VPS37B: variants seen among roughly 807,000 people sequenced by gnomAD.
VPS37B encodes the protein vacuolar protein sorting-associated protein 37B.
Under a neutral mutation model 21.2 loss-of-function variants are expected in VPS37B, and 11 were observed. That is an observed-to-expected ratio of 0.52 (90% CI 0.33 to 0.86). The LOEUF (loss-of-function observed/expected upper bound fraction) is 0.86. Ranked by LOEUF, VPS37B falls within the 40% of genes least tolerant of loss-of-function variation. The pLI is 0.03. For synonymous variants in VPS37B, 175 were observed against 159.6 expected, an observed-to-expected ratio of 1.10 and a Z score of -0.73; for missense variants, 389 against 374.8, an observed-to-expected ratio of 1.04 and a Z score of -0.31.
chr12:122,867,209 G>C lies in VPS37B; in HGVS notation c.765C>G (p.Phe255Leu). 1 of 1,575,236 alleles carries C rather than the reference G, an allele frequency of 6.3e-7. No individual in the cohort carries two copies. Among genetic ancestry groups the C allele is most frequent in the Non-Finnish European group, 8.6e-7 (1 of 1,163,674 alleles). The stretch of plus-strand genomic sequence containing the variant: ...GATATGGGGACACGAACTGCGAAGA[G>C]AATCCTTGCTGAGTGGGGAGGCCCA... The part of the protein sequence containing the change: ...PRVGLPTQQG[F>L]SSQFVSPYPP... Residue 255 changes from phenylalanine (F) to leucine (L), a missense_variant, in exon 4 of 4, where the codon TTC (phenylalanine) becomes TTG (leucine). Physicochemically the swap from Phe to Leu is conservative, Grantham distance 22. Coordinates refer to ENST00000267202, the MANE Select transcript of VPS37B (RefSeq NM_024667.3). This position sits in a 1 kb window ranked among gnomAD's most constrained non-coding sequence, Gnocchi z 5.5.
chr12:122,881,997 T>C (rs543836648), intron 1 of VPS37B: 18 of 152,206 alleles, frequency 1.2e-4, no homozygotes, highest in Non-Finnish European at 2.2e-4. Context: ...AAAAATTTTA[T>C]ATTTCTAACA....
intron 1 of VPS37B, chr12:122,884,317 G>A (rs867468497): frequency 6.6e-6 from 1 of 152,284 alleles, no homozygotes; most frequent in Non-Finnish European, 1.5e-5. Flanking sequence ...GGCAGAGTCC[G>A]AGTCCTTTGG....
chr12:122,877,635 C>T (rs2135704397), intron 1 of VPS37B: 1 of 152,394 alleles, frequency 6.6e-6, no homozygotes, highest in South Asian at 2.1e-4. Context: ...GCTCTTCAGC[C>T]TGGAACGCCC....
chr12:122,875,223 A>ATTTTT (rs34993068), intron 1 of VPS37B: 22 of 95,976 alleles, frequency 2.3e-4, no homozygotes, highest in Non-Finnish European at 3.2e-4. Flanking sequence ...CACCTGGCTA[A>ATTTTT]TTTTTTTTTT....
chr12:122,868,665 A>G lies in VPS37B; in HGVS notation c.284-103T>C. The stretch of plus-strand genomic sequence containing the variant: ...TTGCACCTTCCTTTCCAGGAAGCTG[A>G]ATGTGAAAGGCTTGAAAACCTACAG... On this transcript the variant is annotated intron_variant, in intron 2 of 3. Coordinates refer to ENST00000267202, the MANE Select transcript of VPS37B (RefSeq NM_024667.3). This position sits in a 1 kb window ranked among gnomAD's most constrained non-coding sequence, Gnocchi z 5.5. The G allele has an allele frequency of 9.7e-7, 1 of 1,028,846 alleles. No homozygotes were observed. The highest frequency in any genetic ancestry group is 2.6e-5 in the East Asian group (1 of 38,682). 63.7% of individuals were successfully genotyped at this position (1,028,846 alleles called of 1,614,324 possible).
At chr12:122,876,008 G>A (rs2034142937) in intron 1 of VPS37B, 1 of 151,990 alleles carries the variant, frequency 6.6e-6, no homozygotes, top group South Asian at 2.1e-4. Context: ...ATCTCTCTGT[G>A]GTAAAGAAAC....
At chr12:122,882,481 T>G (rs973959509) in intron 1 of VPS37B, 4 of 152,168 alleles carry the variant, frequency 2.6e-5, no homozygotes, top group African/African-American at 7.2e-5. Flanking sequence ...AAAATTAAAT[T>G]CAAAGTTATC....
chr12:122,886,592 C>T (rs2034333755), intron 1 of VPS37B: 1 of 152,084 alleles, frequency 6.6e-6, no homozygotes, highest in Admixed American at 6.5e-5. Context: ...GAGACCCTGT[C>T]TCAAAAAAAC....
Position 122,870,969 on chromosome 12 carries a change from C to A in VPS37B, c.204G>T (p.Thr68=), listed in dbSNP as rs538029514. Residue 68 remains threonine (T), a synonymous_variant, in exon 2 of 4, where the codon ACG becomes ACT. Transcript: ENST00000267202. ...ATTTCTGGGTCAAGCGTGCTTTCAA[C>A]GTGTCCAGCTGGGGCTGGTACAAAA... The part of the protein sequence containing the change: ...GNLLYQPQLD[T]LKARLTQKYQ... 3.1e-6 allele frequency: 5 copies of A among 1,614,094 alleles called. No individual in the cohort carries two copies. The South Asian group carries it at 5.5e-5, about 18-fold the overall frequency.
chr12:122,867,309 G>A lies in VPS37B; in HGVS notation c.665C>T (p.Pro222Leu), dbSNP rs745662904. The change falls in exon 4 of 4, where the codon CCG (proline) becomes CTG (leucine). Residue 222 changes from proline (P) to leucine (L), a missense_variant. Coordinates refer to ENST00000267202, the MANE Select transcript of VPS37B (RefSeq NM_024667.3). This position sits in a 1 kb window ranked among gnomAD's most constrained non-coding sequence, Gnocchi z 5.5. ...PPVPAGRLAT[P>L]FTAAMSSGQA... ...TCCCGAACTCATGGCCGCAGTAAAC[G>A]GGGTGGCTAAGCGTCCCGCAGGCAC... is the stretch of plus-strand genomic sequence containing the variant. 1.4e-5 allele frequency: 22 copies of A among 1,585,596 alleles called. No homozygotes were observed. Among genetic ancestry groups the A allele is most frequent in the African/African-American group, 2.7e-5 (2 of 73,480 alleles).
chr12:122,879,278 C>T (rs7959441), intron 1 of VPS37B: 121,571 of 152,358 alleles, frequency 0.8, 49,571 homozygotes, highest in Middle Eastern at 0.9. Context: ...CTGCTCTGTG[C>T]CCCAGCAGCC....
chr12:122,867,061 G>A lies in VPS37B; in HGVS notation c.*55C>T. The A allele has an allele frequency of 6.8e-7, 1 of 1,466,110 alleles. No homozygotes were observed. Among genetic ancestry groups the A allele is most frequent in the Non-Finnish European group, 9.0e-7 (1 of 1,110,238 alleles). The allele number at this position is 1,466,110 out of a possible 1,614,324, so 90.8% of individuals were successfully genotyped here. On this transcript the variant is annotated 3_prime_UTR_variant, in exon 4 of 4. Transcript: ENST00000267202. This position sits in a 1 kb window ranked among gnomAD's most constrained non-coding sequence, Gnocchi z 5.5. ...CGGACCTCCAGCCTCCTTCCCGTGA[G>A]CAGAGCACAACACGCCAGGTGGAAG...
chr12:122,871,862 CA>C, intron 1 of VPS37B: 1 of 985,352 alleles, frequency 1.0e-6, no homozygotes. Flanking sequence ...ATAAAAAACA[CA>C]AACGCGTGGG....
chr12:122,892,404 T>A (rs895989362), intron 1 of VPS37B, among the ~76,000 whole-genome samples: 6 of 152,010 alleles, frequency 3.9e-5, no homozygotes, highest in African/African-American at 9.7e-5. Flanking sequence ...TAACAGTGAA[T>A]GCCTTCAAAA....
At chr12:122,872,109 T>TA in intron 1 of VPS37B, 1 of 985,450 alleles carries the variant, frequency 1.0e-6, no homozygotes, top group Non-Finnish European at 1.2e-6. Flanking sequence ...TCCTTCCTCT[T>TA]AGTAGCTCGA....
chr12:122,886,311 A>C (rs1205984830), intron 1 of VPS37B: 2 of 152,100 alleles, frequency 1.3e-5, no homozygotes, highest in Non-Finnish European at 2.9e-5. Flanking sequence ...GCTTCACCAC[A>C]CTCTAGCAGA....
chr12:122,872,017 C>T, intron 1 of VPS37B: 1 of 985,374 alleles, frequency 1.0e-6, no homozygotes, highest in Non-Finnish European at 1.2e-6. Context: ...CTTTAAGCAG[C>T]TCTTCTTCAA....
chr12:122,880,778 T>C (rs1263786322), intron 1 of VPS37B: 2 of 152,182 alleles, frequency 1.3e-5, no homozygotes, highest in Non-Finnish European at 2.9e-5. Context: ...AGCACAGTGG[T>C]TGGCCCATTC....
At position 122,896,083 on chromosome 12, in the gene VPS37B, C is replaced by CGCCACCGCCGCTGCG; in HGVS notation, c.-36_-22dup. 1 of 1,552,834 alleles carries CGCCACCGCCGCTGCG rather than the reference C, an allele frequency of 6.4e-7. No homozygotes were observed. Among genetic ancestry groups the CGCCACCGCCGCTGCG allele is most frequent in the Non-Finnish European group, 8.6e-7 (1 of 1,157,884 alleles). On this transcript the variant is annotated 5_prime_UTR_variant, in exon 1 of 4. Coordinates refer to ENST00000267202, the MANE Select transcript of VPS37B (RefSeq NM_024667.3). ...GCCATCCCCACGTCTCGGCCGTCGT[C>CGCCACCGCCGCTGCG]GCCACCGCCGCTGCGGCCACCAGGC...
Sources: gnomAD v4.1 joint callset for allele counts (sites outside exome capture counted in the v4.1 genomes callset) on GRCh38, gnomAD v4.1.1 for gene constraint, Gnocchi (gnomAD v3.1) non-coding constraint, MANE v1.5 for transcripts, NCBI Gene and HGNC (gene_info 2026-07-23, HGNC 2026-07-21) for gene names.